Variants in TAOK2 observed in about 807,000 individuals in gnomAD.
TAOK2 encodes the protein serine/threonine-protein kinase TAO2.
Under a neutral mutation model 122.5 loss-of-function variants are expected in TAOK2, and 42 were observed. The ratio of observed to expected loss-of-function variants is 0.34; its 90% CI spans 0.27 to 0.44. The LOEUF is 0.44. Among genes scored for constraint, TAOK2 ranks in the 20% least tolerant of loss-of-function variants. The pLI is 1.00. For missense variants in TAOK2, 1,264 were observed against 1,644.9 expected, an observed-to-expected ratio of 0.77 and a Z score of 4.01; for synonymous variants, 704 against 677.6, an observed-to-expected ratio of 1.04 and a Z score of -0.61.
chr16:29,982,597 G>A, intron 10 of TAOK2, 137 bp from the exon 11 acceptor site: 1 of 1,165,966 alleles, frequency 8.6e-7, no homozygotes, highest in South Asian at 1.5e-5. Flanking sequence ...TGAGAGAAGG[G>A]CTTGGGATAA....
chr16:29,990,883 A>G, downstream of TAOK2: 1 of 1,613,654 alleles, frequency 6.2e-7, no homozygotes. Context: ...CAAGATCAAG[A>G]TCCGCACAGA....
In TAOK2 at chr16:29,983,324, C is replaced by T. The variant is rs182132470; in HGVS notation, c.1252C>T (p.Arg418Trp). Residue 418 changes from arginine (R) to tryptophan (W), a missense_variant, in exon 12 of 16, where the codon CGG (arginine) becomes TGG (tryptophan). By Grantham distance (101) the Arg-to-Trp change is moderately radical (BLOSUM62 -3). Coordinates refer to ENST00000308893, the MANE Select transcript of TAOK2 (RefSeq NM_016151.4). ...CACCTCTCACAGCTCCATTATCCAC[C>T]GGCTGCCGGTACACAGCTCACCCTT... ...TVTSHSSIIH[R>W]LPGSDNLYDD... The T allele has an allele frequency of 2.4e-5, 39 of 1,596,842 alleles. No homozygotes were observed. Among genetic ancestry groups the T allele is most frequent in the Non-Finnish European group, 2.8e-5 (33 of 1,176,670 alleles).
chr16:29,978,663 C>A (rs753392061), intron 4 of TAOK2, 136 bp from the exon 5 acceptor site: 9 of 943,740 alleles, frequency 9.5e-6, no homozygotes, highest in Non-Finnish European at 1.5e-5. Flanking sequence ...CTCCCACCAC[C>A]CCCTCATTGT....
chr16:29,991,194 G>T, downstream of TAOK2: 1 of 1,611,132 alleles, frequency 6.2e-7, no homozygotes. The surrounding 1 kb of genome is among the most constrained non-coding windows in gnomAD (Gnocchi z 5.6). Context: ...CATCCCGGCT[G>T]AAGCTGCTGC....
At chr16:29,983,704 T>A in intron 13 of TAOK2, 40 bp downstream of exon 13, 5 of 1,577,574 alleles carry the variant, frequency 3.2e-6, no homozygotes, top group African/African-American at 1.3e-5. Flanking sequence ...TCGCTGTCTG[T>A]TTTTTAAGTC....
Position 29,988,239 on chromosome 16 carries a change from T to A in TAOK2, c.*259T>A. On this transcript the variant is annotated 3_prime_UTR_variant, in exon 16 of 16. Transcript: ENST00000308893. The stretch of plus-strand genomic sequence containing the variant: ...CTGTGTGTGCTCATCCTCACCCTCA[T>A]TGACTCAGGCCTGGGGCCAGGGGTG... 6.9e-7 allele frequency: 1 copy of A among 1,448,552 alleles called. No individual in the cohort carries two copies. Among genetic ancestry groups the A allele is most frequent in the Non-Finnish European group, 9.0e-7 (1 of 1,107,170 alleles). The allele number at this position is 1,448,552 out of a possible 1,614,324, so 89.7% of individuals were successfully genotyped here. A position where few individuals can be genotyped will look rare whatever the true frequency, so the allele number is the denominator to read the frequency against.
rs2069837279 is a variant in TAOK2 at position 29,987,340 on chromosome 16, G to GTACC, written c.3069_3072dup (p.Ala1025TyrfsTer113). ...AGTCTTTTCCTACTCCTGGCCCAGG[G>GTACC]TACCGCACTGGGGGCCGTCCTGGGC... is the stretch of plus-strand genomic sequence containing the variant. On this transcript the variant is annotated frameshift_variant, in exon 16 of 16. Coordinates refer to ENST00000308893, the MANE Select transcript of TAOK2 (RefSeq NM_016151.4). LOFTEE classifies it high-confidence loss of function. The GTACC allele has an allele frequency of 1.3e-6, 2 of 1,551,728 alleles. No homozygotes were observed. The highest frequency in any genetic ancestry group is 1.7e-6 in the Non-Finnish European group (2 of 1,150,248).
Position 29,987,683 on chromosome 16 carries a change from C to G in TAOK2, c.3411C>G (p.Pro1137=), listed in dbSNP as rs750642835. Residue 1137 remains proline (P), a synonymous_variant, in exon 16 of 16, where the codon CCC becomes CCG. Coordinates refer to ENST00000308893, the MANE Select transcript of TAOK2 (RefSeq NM_016151.4). ...LPVPGPRRRN[P]RTTQHPLALL... is the part of the protein sequence containing the mutation. ...TCCCTGGGCCCCGGCGGCGTAATCC[C>G]CGCACCACCCAACACCCATTAGCTC... 6 of 1,613,916 alleles carry G rather than the reference C, an allele frequency of 3.7e-6. No individual in the cohort carries two copies. In the African/African-American group the frequency reaches 8.0e-5, roughly 22 times the overall value.
At chr16:29,980,595 T>C (rs1431357483) in intron 8 of TAOK2, 1 of 152,210 alleles carries the variant, frequency 6.6e-6, no homozygotes, top group Non-Finnish European at 1.5e-5. Context: ...TCGTATTGGG[T>C]CCTCTGCCCG....
Position 29,988,349 on chromosome 16 carries a change from C to A in TAOK2, c.*369C>A, listed in dbSNP as rs2069882185. On this transcript the variant is annotated 3_prime_UTR_variant, in exon 16 of 16. Transcript: ENST00000308893. ...CTTCCAACCTGTCCCCTTCCCCCCA[C>A]CAAAAAAAGAAAAAGACAAACACAA... 2 of 1,378,398 alleles carry A rather than the reference C, an allele frequency of 1.5e-6. No individual in the cohort carries two copies. The highest frequency in any genetic ancestry group is 1.9e-6 in the Non-Finnish European group (2 of 1,047,390). The allele number at this position is 1,378,398 out of a possible 1,614,324, so 85.4% of individuals were successfully genotyped here.
In TAOK2 at chr16:29,988,206, T is replaced by C. The variant is rs905822908; in HGVS notation, c.*226T>C. On this transcript the variant is annotated 3_prime_UTR_variant, in exon 16 of 16. Coordinates refer to ENST00000308893, the MANE Select transcript of TAOK2 (RefSeq NM_016151.4). ...GCGCTCCTCCCCTAAGTTATTGCTG[T>C]TCGCCCGCTGTGTGTGCTCATCCTC... The C allele has an allele frequency of 1.1e-5, 16 of 1,433,152 alleles. No individual in the cohort carries two copies. The highest frequency in any genetic ancestry group is 1.4e-5 in the Non-Finnish European group (15 of 1,099,072). The allele number at this position is 1,433,152 out of a possible 1,614,324, so 88.8% of individuals were successfully genotyped here. A position where few individuals can be genotyped will look rare whatever the true frequency, so the allele number is the denominator to read the frequency against.
chr16:29,989,161 G>A (rs987030475), downstream of TAOK2: 24 of 985,060 alleles, frequency 2.4e-5, no homozygotes, highest in Middle Eastern at 5.2e-4. Context: ...TCTCGTGCAC[G>A]TTCTCATATT....
Position 29,986,255 on chromosome 16 carries a change from T to G in TAOK2, c.1993-10T>G, listed in dbSNP as rs747485611. The G allele has an allele frequency of 6.6e-7, 1 of 1,508,360 alleles. No homozygotes were observed. The highest frequency in any genetic ancestry group is 8.9e-7 in the Non-Finnish European group (1 of 1,128,976). The allele number at this position is 1,508,360 out of a possible 1,614,324, so 93.4% of individuals were successfully genotyped here. ...ACCAGGCCCCGGGCCCTGCATTTCT[T>G]CTGCCTCAGGACCTGAACAAGAAGC... On this transcript the variant is annotated splice_polypyrimidine_tract_variant and intron_variant, in intron 15 of 15. Coordinates refer to ENST00000308893, the MANE Select transcript of TAOK2 (RefSeq NM_016151.4). This position sits in a 1 kb window ranked among gnomAD's most constrained non-coding sequence, Gnocchi z 4.2.
downstream of TAOK2, chr16:29,988,883 G>T: frequency 2.0e-6 from 2 of 985,410 alleles, no homozygotes; most frequent in Non-Finnish European, 2.4e-6. Context: ...AGCTGAGTGT[G>T]TGAGGGGCCG....
chr16:29,987,906 C>A lies in TAOK2; in HGVS notation c.3634C>A (p.Gln1212Lys). 1 of 1,585,122 alleles carries A rather than the reference C, an allele frequency of 6.3e-7. No homozygotes were observed. The highest frequency in any genetic ancestry group is 1.1e-5 in the South Asian group (1 of 88,556). ...QRQLGPPASR[Q>K]PLPGTLAGRR... ...CCAGCTAGGGCCCCCTGCCTCCCGCCAGCCACTGCCAGGGACTCTAGCCGG... is the reference window on the plus strand; with the variant it reads ...CCAGCTAGGGCCCCCTGCCTCCCGCAAGCCACTGCCAGGGACTCTAGCCGG... The change falls in exon 16 of 16, where the codon CAG becomes AAG. Residue 1212 changes from glutamine (Q) to lysine (K), a missense_variant. This residue lies in a region of TAOK2 where 824 missense variants were observed against 908.7 expected (regional missense o/e 0.91). Transcript: ENST00000308893.
In TAOK2 at chr16:29,974,243, C is replaced by G. The variant is rs1452369344; in HGVS notation, c.-441C>G. ...CCTCATAGTCCAGATATCCGGGACT[C>G]GGGTCCCAACCTCTCTAAACCTGGG... On this transcript the variant is annotated 5_prime_UTR_variant, in exon 1 of 16. Coordinates refer to ENST00000308893, the MANE Select transcript of TAOK2 (RefSeq NM_016151.4). The G allele has an allele frequency of 6.6e-6, 1 of 152,562 alleles. No homozygotes were observed. The highest frequency in any genetic ancestry group is 1.5e-5 in the Non-Finnish European group (1 of 68,046). The allele number at this position is 152,562 out of a possible 1,614,324, so 9.5% of individuals were successfully genotyped here.
At chr16:29,990,678 G>T (rs2069944483), downstream of TAOK2, 7 of 1,123,894 alleles carry the variant, frequency 6.2e-6, no homozygotes, top group South Asian at 1.6e-5. Context: ...GATAGATGTT[G>T]AGACCGCTGC....
intron 10 of TAOK2, 55 bp from the exon 11 acceptor site, chr16:29,982,679 T>G (rs1311604815): frequency 6.3e-7 from 1 of 1,580,092 alleles, no homozygotes; most frequent in Non-Finnish European, 8.6e-7. Flanking sequence ...CCAAGGGCTG[T>G]GGGTTGTGGG....
rs376173807 is a variant in TAOK2 at position 29,983,262 on chromosome 16, G to A, written c.1190G>A (p.Arg397Gln). 18 of 1,608,092 alleles carry A rather than the reference G, an allele frequency of 1.1e-5. No homozygotes were observed. Among genetic ancestry groups the A allele is most frequent in the East Asian group, 4.5e-5 (2 of 44,890 alleles). The change falls in exon 12 of 16, where the codon CGG becomes CAG. Residue 397 changes from arginine to glutamine, a missense_variant. By Grantham distance (43) the Arg-to-Gln change is conservative (BLOSUM62 1). Transcript: ENST00000308893. Reference sequence around the variant, plus strand: ...GAGGAGGAAGAAGGCCCTGAAGCCCGGGAGATGGCCATGATGCAGGAGGGG... The same window carrying A: ...GAGGAGGAAGAAGGCCCTGAAGCCCAGGAGATGGCCATGATGCAGGAGGGG... ...EEEEEEGPEA[R>Q]EMAMMQEGEH...
Sources: allele counts gnomAD v4.1 joint callset, GRCh38; gene constraint gnomAD v4.1.1; regional missense constraint gnomAD v4.1.1; non-coding constraint Gnocchi (gnomAD v3.1); transcripts MANE v1.5; gene names NCBI Gene and HGNC (gene_info 2026-07-23, HGNC 2026-07-21).